SAMD3: variants seen among roughly 807,000 people sequenced by gnomAD.
SAMD3 encodes sterile alpha motif domain-containing protein 3.
Under a neutral mutation model 58.5 loss-of-function variants are expected in SAMD3, and 63 were observed. That is an observed-to-expected ratio of 1.08 (90% CI 0.88 to 1.33). SAMD3 has a LOEUF of 1.33. Among genes scored for constraint, SAMD3 ranks in the 40% most tolerant of loss-of-function variants. SAMD3 has a pLI of 0.00. For missense variants in SAMD3, 604 were observed against 608.4 expected, an observed-to-expected ratio of 0.99 and a Z score of 0.08; for synonymous variants, 220 against 210.3, an observed-to-expected ratio of 1.05 and a Z score of -0.40.
chr6:130,323,573 C>G (rs1349787214), intron 1 of SAMD3, among the ~76,000 whole-genome samples: 2 of 151,892 alleles, frequency 1.3e-5, no homozygotes, highest in Non-Finnish European at 2.9e-5. Context: ...GAGGCCAAGG[C>G]AGGCGGATCA....
chr6:130,244,891 G>C (rs1046536289), intron 2 of SAMD3, among the ~76,000 whole-genome samples: 1 of 152,298 alleles, frequency 6.6e-6, no homozygotes, highest in Admixed American at 6.5e-5. Flanking sequence ...GGCCCCTAGT[G>C]ATCCCTCAGT....
At chr6:130,232,351 C>T (rs1433720782) in intron 2 of SAMD3, among the ~76,000 whole-genome samples, 2 of 152,142 alleles carry the variant, frequency 1.3e-5, no homozygotes, top group South Asian at 2.1e-4. Flanking sequence ...CAAGCAGGAT[C>T]GAGTTCAGTT....
intron 2 of SAMD3, among the ~76,000 whole-genome samples, chr6:130,308,316 T>C (rs1259006650): frequency 6.6e-6 from 1 of 150,946 alleles, no homozygotes; most frequent in Non-Finnish European, 1.5e-5. Flanking sequence ...GTCCTCATTG[T>C]ATCTCAACCT....
intron 8 of SAMD3, among the ~76,000 whole-genome samples, chr6:130,155,806 C>T (rs888068508): frequency 6.6e-6 from 1 of 152,152 alleles, no homozygotes; most frequent in African/African-American, 2.4e-5. Flanking sequence ...AGGAAAGCCT[C>T]AGTAGATCTA....
Position 130,338,534 on chromosome 6 carries a change from G to A in SAMD3, c.-303-25441C>T, listed in dbSNP as rs116169699. Among the ~76,000 whole-genome samples, 466 of 152,292 alleles carry A rather than the reference G, an allele frequency of 3.1e-3. 1 individual carries two copies. The highest frequency in any genetic ancestry group is 0.011 in the African/African-American group (457 of 41,572). ...CACCATGTGCCTGGAAAAGTCACAG[G>A]CACTCAATGCCAGCCCATGACAGCA... On this transcript the variant is annotated intron_variant, in intron 1 of 13. Coordinates refer to the SAMD3 transcript ENST00000368134.
chr6:130,271,413 A>T (rs1774559468), intron 2 of SAMD3, among the ~76,000 whole-genome samples: 1 of 152,062 alleles, frequency 6.6e-6, no homozygotes, highest in South Asian at 2.1e-4. Context: ...TCTCATTGTG[A>T]TTTTTATTAG....
chr6:130,164,935 T>C (rs762654435), intron 8 of SAMD3, among the ~76,000 whole-genome samples: 6 of 152,054 alleles, frequency 3.9e-5, no homozygotes, highest in Admixed American at 3.9e-4. Flanking sequence ...CAGGAAGATA[T>C]AGCAATTATA....
chr6:130,312,367 G>A (rs1044610344), intron 2 of SAMD3, among the ~76,000 whole-genome samples: 6 of 152,210 alleles, frequency 3.9e-5, no homozygotes, highest in Non-Finnish European at 8.8e-5. Context: ...GTAATGCATT[G>A]ATTCCTGAAT....
intron 8 of SAMD3, among the ~76,000 whole-genome samples, chr6:130,163,430 AC>A (rs1457338851): frequency 6.6e-6 from 1 of 152,068 alleles, no homozygotes; most frequent in African/African-American, 2.4e-5. Context: ...GAAATGATGT[AC>A]CCCCTATGGA....
chr6:130,174,065 T>A (rs1356347280), intron 8 of SAMD3, among the ~76,000 whole-genome samples: 1 of 152,224 alleles, frequency 6.6e-6, no homozygotes. Context: ...TTCAGACTGC[T>A]GTGCTGGCAG....
intron 5 of SAMD3, among the ~76,000 whole-genome samples, chr6:130,185,676 G>A (rs1792892019): frequency 6.7e-6 from 1 of 149,528 alleles, no homozygotes; most frequent in African/African-American, 2.5e-5. Flanking sequence ...TGCCATCCAG[G>A]CTGGTGTGCA....
At chr6:130,297,722 A>G (rs1252814925) in intron 2 of SAMD3, among the ~76,000 whole-genome samples, 1 of 152,208 alleles carries the variant, frequency 6.6e-6, no homozygotes, top group East Asian at 1.9e-4. Flanking sequence ...ACATTCCCTA[A>G]AGGATTTAAA....
At chr6:130,183,796 A>C (rs116850146) in intron 7 of SAMD3, among the ~76,000 whole-genome samples, 3 of 152,236 alleles carry the variant, frequency 2.0e-5, no homozygotes, top group Non-Finnish European at 4.4e-5. Flanking sequence ...GAGACCAAGA[A>C]GTTATGAAAA....
intron 5 of SAMD3, among the ~76,000 whole-genome samples, chr6:130,194,144 C>G (rs58154285): frequency 0.38 from 57,161 of 152,076 alleles, 11,484 homozygotes; most frequent in African/African-American, 0.48. Flanking sequence ...CCTCCCCCAC[C>G]TGCCCAGCAA....
At chr6:130,164,538 G>A (rs1422475288) in intron 8 of SAMD3, among the ~76,000 whole-genome samples, 3 of 152,156 alleles carry the variant, frequency 2.0e-5, no homozygotes, top group Non-Finnish European at 4.4e-5. Context: ...TCACAGAGAA[G>A]TGGATCGAAT....
At chr6:130,348,863 A>G (rs1199633086) in intron 1 of SAMD3, among the ~76,000 whole-genome samples, 1 of 152,296 alleles carries the variant, frequency 6.6e-6, no homozygotes, top group East Asian at 1.9e-4. Flanking sequence ...AAGAACAGAA[A>G]TTATAACAAA....
intron 1 of SAMD3, among the ~76,000 whole-genome samples, chr6:130,344,693 C>G (rs1213349768): frequency 1.3e-5 from 2 of 152,078 alleles, no homozygotes; most frequent in East Asian, 3.9e-4. Context: ...CCAGCCATTC[C>G]CTGGCTTGTA....
intron 5 of SAMD3, among the ~76,000 whole-genome samples, chr6:130,189,952 T>A (rs1257759595): frequency 6.6e-6 from 1 of 152,162 alleles, no homozygotes; most frequent in Non-Finnish European, 1.5e-5. Context: ...GCCAAAACTC[T>A]AATAGAAAAA....
chr6:130,237,740 C>T (rs1372383388), intron 2 of SAMD3, among the ~76,000 whole-genome samples: 1 of 152,052 alleles, frequency 6.6e-6, no homozygotes, highest in Non-Finnish European at 1.5e-5. Flanking sequence ...AGTGTCTTAA[C>T]CAAGATTTGA....
Sources: gnomAD v4.1 joint callset for allele counts (sites outside exome capture counted in the v4.1 genomes callset) on GRCh38, gnomAD v4.1.1 for gene constraint, MANE v1.5 for transcripts, NCBI Gene and HGNC (gene_info 2026-07-23, HGNC 2026-07-21) for gene names.